The following ARIH1 variants were observed in gnomAD, a reference collection of about 807,000 sequenced individuals.
ARIH1 encodes E3 ubiquitin-protein ligase ARIH1.
ARIH1 carries 8 observed loss-of-function variants against 85.0 expected under a neutral mutation model. The observed-to-expected ratio is 0.09, with a 90% confidence interval of 0.06 to 0.17. The LOEUF (loss-of-function observed/expected upper bound fraction) is 0.17, where lower values mean the gene tolerates loss of function less well. Among genes scored for constraint, ARIH1 ranks in the 10% least tolerant of loss-of-function variants. ARIH1 has a pLI of 1.00. For synonymous variants in ARIH1, 238 were observed against 253.6 expected (o/e 0.94, Z 0.59); for missense variants, 311 against 718.1 (o/e 0.43, Z 6.48).
chr15:72,567,251 T>C (rs2064224829), intron 9 of ARIH1, 74 bp downstream of exon 9: 1 of 1,144,752 alleles, frequency 8.7e-7, no homozygotes, highest in Non-Finnish European at 1.3e-6. Flanking sequence ...GCAAAAGCAA[T>C]GAGGTGACCT....
intron 1 of ARIH1, chr15:72,496,710 C>A (rs957156349): frequency 1.3e-5 from 9 of 705,822 alleles, no homozygotes; most frequent in African/African-American, 1.9e-5. Context: ...TTTATATATA[C>A]CTTGATTTTA....
chr15:72,558,279 C>A (rs144666113), intron 5 of ARIH1, among the ~76,000 whole-genome samples: 6 of 152,220 alleles, frequency 3.9e-5, no homozygotes, highest in African/African-American at 1.4e-4. Flanking sequence ...TTTTCTGTGT[C>A]ATTTGAGATG....
chr15:72,510,182 T>A (rs1178063321), intron 1 of ARIH1, among the ~76,000 whole-genome samples: 2 of 152,186 alleles, frequency 1.3e-5, no homozygotes, highest in East Asian at 1.9e-4. Flanking sequence ...TTTAGATTTT[T>A]AAAAAATTAT....
At chr15:72,574,329 T>G (rs1261857394) in intron 11 of ARIH1, among the ~76,000 whole-genome samples, 1 of 152,204 alleles carries the variant, frequency 6.6e-6, no homozygotes, top group African/African-American at 2.4e-5. Context: ...CTCCATTGGT[T>G]GTTTGGTTGA....
chr15:72,557,041 CTT>C (rs1243044528), intron 5 of ARIH1, among the ~76,000 whole-genome samples: 2 of 152,080 alleles, frequency 1.3e-5, no homozygotes, highest in South Asian at 4.1e-4. Flanking sequence ...GTGAATGTGT[CTT>C]TTTGGTAGAA....
intron 7 of ARIH1, among the ~76,000 whole-genome samples, chr15:72,564,548 A>G (rs2064210915): frequency 6.6e-6 from 1 of 152,172 alleles, no homozygotes; most frequent in Non-Finnish European, 1.5e-5. Flanking sequence ...AAGCTCTTCC[A>G]GCCTCTACTT....
chr15:72,512,857 G>C (rs868332232), intron 1 of ARIH1, among the ~76,000 whole-genome samples: 1 of 151,952 alleles, frequency 6.6e-6, no homozygotes, highest in African/African-American at 2.4e-5. Context: ...AATCTCTTAA[G>C]TATAATTGTG....
intron 1 of ARIH1, among the ~76,000 whole-genome samples, chr15:72,497,363 A>T (rs1424228227): frequency 6.6e-6 from 1 of 152,206 alleles, no homozygotes; most frequent in African/African-American, 2.4e-5. Flanking sequence ...TATGAGGAAG[A>T]TTAAGAAATT....
chr15:72,579,105 G>C (rs978263916), intron 11 of ARIH1, among the ~76,000 whole-genome samples: 3 of 152,054 alleles, frequency 2.0e-5, no homozygotes. Flanking sequence ...TTCTTTTATA[G>C]TTGGTTCAAA....
At position 72,586,447 on chromosome 15, in the gene ARIH1, C is replaced by T. The variant is rs2064317370; in HGVS notation, c.*3155C>T. 1 of 152,138 alleles carries T rather than the reference C, an allele frequency of 6.6e-6. No individual in the cohort carries two copies. Among genetic ancestry groups the T allele is most frequent in the Non-Finnish European group, 1.5e-5 (1 of 68,020 alleles). 9.4% of individuals were successfully genotyped at this position (152,138 alleles called of 1,614,324 possible). A position where few individuals can be genotyped will look rare whatever the true frequency, so the allele number is the denominator to read the frequency against. ...CCTGTAATTTTGTGCATAGAGCACCCTATGCTGTGGAAATAACTGTTCTTA... is the reference window on the plus strand; with the variant it reads ...CCTGTAATTTTGTGCATAGAGCACCTTATGCTGTGGAAATAACTGTTCTTA... On this transcript the variant is annotated 3_prime_UTR_variant, in exon 14 of 14. Transcript: ENST00000379887.
chr15:72,512,588 GTTTTTC>G (rs1225165528), intron 1 of ARIH1, among the ~76,000 whole-genome samples: 1 of 146,038 alleles, frequency 6.8e-6, no homozygotes, highest in South Asian at 2.2e-4. Context: ...CTTGCTTTGG[GTTTTTC>G]TTTTTCTTTT....
intron 2 of ARIH1, among the ~76,000 whole-genome samples, chr15:72,525,814 A>AT (rs918040209): frequency 2.0e-5 from 3 of 150,060 alleles, no homozygotes; most frequent in Non-Finnish European, 4.4e-5. Context: ...TTTTTTCTCA[A>AT]TTTTTTTGTA....
chr15:72,555,871 A>C lies in ARIH1; in HGVS notation c.701A>C (p.His234Pro). ...GMGQTISCPA[H>P]GCDILVDDNT... is the part of the protein sequence containing the mutation. ...TTTCAGACTATTTCGTGTCCTGCTC[A>C]TGGTTGTGATATCTTAGTGGATGAC... The change falls in exon 5 of 14, where the codon CAT becomes CCT. Residue 234 changes from histidine to proline, a missense_variant. Coordinates refer to ENST00000379887, the MANE Select transcript of ARIH1 (RefSeq NM_005744.5). 6.2e-7 allele frequency: 1 copy of C among 1,613,284 alleles called. No individual in the cohort carries two copies. Among genetic ancestry groups the C allele is most frequent in the South Asian group, 1.1e-5 (1 of 91,002 alleles).
chr15:72,578,355 T>C (rs1397066753), intron 11 of ARIH1, among the ~76,000 whole-genome samples: 1 of 152,180 alleles, frequency 6.6e-6, no homozygotes, highest in Non-Finnish European at 1.5e-5. Context: ...TTCCATGATG[T>C]TCTGTGGGGG....
chr15:72,539,958 T>C (rs1347212632), intron 2 of ARIH1, among the ~76,000 whole-genome samples: 3 of 152,054 alleles, frequency 2.0e-5, no homozygotes, highest in Non-Finnish European at 4.4e-5. Flanking sequence ...AAAGAAAGGC[T>C]ACATGATATA....
In ARIH1 at chr15:72,561,641, C is replaced by T. The variant is rs978506442; in HGVS notation, c.804+92C>T. 3.9e-6 allele frequency: 3 copies of T among 774,058 alleles called. No individual in the cohort carries two copies. In the Admixed American group the frequency reaches 9.2e-5, roughly 24 times the overall value. The allele number at this position is 774,058 out of a possible 1,614,324, so 47.9% of individuals were successfully genotyped here. On this transcript the variant is annotated intron_variant, in intron 6 of 13. Coordinates refer to ENST00000379887, the MANE Select transcript of ARIH1 (RefSeq NM_005744.5). ...ATTATAATTTATTGACAGTAAAAAA[C>T]ATCTTTAACATATTTATGAAGCATG... is the stretch of plus-strand genomic sequence containing the variant.
intron 2 of ARIH1, among the ~76,000 whole-genome samples, chr15:72,521,964 C>A (rs1024343765): frequency 1.3e-5 from 2 of 152,124 alleles, no homozygotes; most frequent in African/African-American, 4.8e-5. Flanking sequence ...TGTGAAAATT[C>A]CTCAGTTTAT....
intron 2 of ARIH1, among the ~76,000 whole-genome samples, chr15:72,537,112 T>C (rs2064085770): frequency 6.6e-6 from 1 of 152,060 alleles, no homozygotes; most frequent in Non-Finnish European, 1.5e-5. Context: ...GTTGTTGTTG[T>C]TGTTGTTGTT....
At chr15:72,550,946 A>G (rs1165331192) in intron 3 of ARIH1, among the ~76,000 whole-genome samples, 1 of 152,160 alleles carries the variant, frequency 6.6e-6, no homozygotes, top group Non-Finnish European at 1.5e-5. Context: ...TGCTCGGATT[A>G]CAGGCACGAG....
Sources: allele counts gnomAD v4.1 joint callset (sites outside exome capture counted in the v4.1 genomes callset), GRCh38; gene constraint gnomAD v4.1.1; transcripts MANE v1.5; gene names NCBI Gene and HGNC (gene_info 2026-07-23, HGNC 2026-07-21).